Variants in TTC19 observed in about 807,000 individuals in gnomAD.
The protein encoded by TTC19 is tetratricopeptide repeat protein 19, mitochondrial.
A neutral mutation model predicts 49.5 loss-of-function variants in TTC19; 38 were observed. That is an observed-to-expected ratio of 0.77 (90% CI 0.59 to 1.01). TTC19 has a LOEUF of 1.01. Among genes scored for constraint, TTC19 ranks in the 50% least tolerant of loss-of-function variants. TTC19 has a pLI of 0.00. For synonymous variants in TTC19, 204 were observed against 185.2 expected (o/e 1.10, Z -0.83); for missense variants, 475 against 477.7 (o/e 0.99, Z 0.05).
intron 7 of TTC19, among the ~76,000 whole-genome samples, chr17:16,014,999 A>G (rs193266376): frequency 6.2e-4 from 94 of 152,324 alleles, no homozygotes; most frequent in African/African-American, 2.2e-3. Flanking sequence ...GTGCTGGATA[A>G]TATTTAATGC....
downstream of TTC19, chr17:16,032,059 C>G (rs1221608088): frequency 2.1e-6 from 1 of 475,746 alleles, no homozygotes; most frequent in Non-Finnish European, 3.7e-6. Context: ...TCTCAACCCT[C>G]CACTATTATT....
At chr17:16,027,101 ACCTGGGAT>A in intron 9 of TTC19, 1 of 527,346 alleles carries the variant, frequency 1.9e-6, no homozygotes, top group Non-Finnish European at 3.4e-6. Flanking sequence ...ATTTTCAGAA[ACCTGGGAT>A]GACAGGTGTA....
At chr17:16,044,746 T>C in exon 3 of TTC19, 1 of 792,872 alleles carries the variant, frequency 1.3e-6, no homozygotes, top group Non-Finnish European at 2.3e-6. Flanking sequence ...TTGAACCTTT[T>C]TGGTCCAGCT....
chr17:16,041,414 T>TTTTTTC (rs1269153936), intron 2 of TTC19: 2 of 148,580 alleles, frequency 1.3e-5, no homozygotes, highest in African/African-American at 5.0e-5. Flanking sequence ...CTTTTTTTTT[T>TTTTTTC]TTTTTTTTCC....
chr17:16,017,687 G>A (rs1971257482), intron 7 of TTC19, among the ~76,000 whole-genome samples: 1 of 152,038 alleles, frequency 6.6e-6, no homozygotes, highest in Admixed American at 6.5e-5. Context: ...CATGAACCTG[G>A]GAGGCGGAGG....
chr17:16,032,250 A>T (rs1459560101), downstream of TTC19: 3 of 1,506,636 alleles, frequency 2.0e-6, no homozygotes, highest in African/African-American at 1.4e-5. Flanking sequence ...AACCACAAAA[A>T]CTAGAGATCC....
At chr17:16,020,896 C>T (rs1971359630) in intron 7 of TTC19, among the ~76,000 whole-genome samples, 1 of 152,086 alleles carries the variant, frequency 6.6e-6, no homozygotes, top group African/African-American at 2.4e-5. Flanking sequence ...CTATGTTGTC[C>T]AGGCTGGTCT....
At chr17:16,006,616 T>G (rs759175997) in intron 7 of TTC19, 48 bp downstream of exon 7, 1 of 1,242,724 alleles carries the variant, frequency 8.0e-7, no homozygotes, top group Non-Finnish European at 1.2e-6. Flanking sequence ...CAAAAGGCTT[T>G]ACTTTACACT....
intron 2 of TTC19, among the ~76,000 whole-genome samples, chr17:16,037,718 A>G (rs930868596): frequency 2.6e-5 from 4 of 152,254 alleles, no homozygotes; most frequent in Non-Finnish European, 4.4e-5. Flanking sequence ...AAGCTTCTTC[A>G]TGCTACTACA....
chr17:16,024,996 T>C, intron 7 of TTC19, 21 bp from the exon 8 acceptor site: 1 of 1,613,700 alleles, frequency 6.2e-7, no homozygotes, highest in Admixed American at 1.7e-5. Flanking sequence ...GTAGATTTGC[T>C]GATTCCTCTT....
chr17:16,040,798 G>A, intron 2 of TTC19: 1 of 378,382 alleles, frequency 2.6e-6, no homozygotes, highest in Non-Finnish European at 5.0e-6. Context: ...AGCAGGCTGA[G>A]GCGGTAGGAC....
intron 2 of TTC19, chr17:16,040,281 T>A: frequency 1.4e-6 from 1 of 709,992 alleles, no homozygotes; most frequent in East Asian, 2.7e-5. Context: ...AGTTCCTTTC[T>A]GTGCTACTGG....
At chr17:16,032,412 A>C, downstream of TTC19, 1 of 1,614,138 alleles carries the variant, frequency 6.2e-7, no homozygotes, top group Non-Finnish European at 8.5e-7. Context: ...GAGGGAGCAC[A>C]TGCAATCGGT....
intron 7 of TTC19, among the ~76,000 whole-genome samples, chr17:16,009,459 T>C (rs1971004524): frequency 6.6e-6 from 1 of 152,170 alleles, no homozygotes; most frequent in African/African-American, 2.4e-5. Flanking sequence ...TCCTACTTTG[T>C]AACCTGAGTT....
chr17:16,044,224 A>G (rs1392354368), intron 2 of TTC19, among the ~76,000 whole-genome samples: 1 of 152,078 alleles, frequency 6.6e-6, no homozygotes, highest in Non-Finnish European at 1.5e-5. Flanking sequence ...CCTGATAACA[A>G]TTCTGGTCAG....
At chr17:16,004,331 C>A (rs1290330215) in intron 6 of TTC19, 69 bp downstream of exon 6, 2 of 1,415,900 alleles carry the variant, frequency 1.4e-6, no homozygotes, top group South Asian at 1.1e-5. Context: ...ACATAATATT[C>A]ATTGTCTACT....
chr17:16,041,401 GTTC>G lies in TTC19; in HGVS notation c.248-3099_248-3097del, dbSNP rs1428016554. On this transcript the variant is annotated intron_variant, in intron 2 of 2. Coordinates refer to the TTC19 transcript ENST00000470649. Reference sequence around the variant, plus strand: ...ATGATGTGTCCCAAAGAATGTGAAAGTTCTTTTTTTTTTTTTTTTTTCCTTTGA... The same window carrying G: ...ATGATGTGTCCCAAAGAATGTGAAAGTTTTTTTTTTTTTTTTTTCCTTTGA... The G allele has an allele frequency of 3.7e-4, 28 of 75,576 alleles. 1 individual carries two copies. Among genetic ancestry groups the G allele is most frequent in the African/African-American group, 1.4e-3 (27 of 19,158 alleles). The allele number at this position is 75,576 out of a possible 1,614,324, so 4.7% of individuals were successfully genotyped here.
chr17:16,029,063 G>T lies in TTC19; in HGVS notation c.*1541G>T. ...TGTTTCAGTAGAAACCAGTATTAAC[G>T]TATGGTGATTTCTTAAAAAAATTAA... On this transcript the variant is annotated 3_prime_UTR_variant, in exon 10 of 10. Coordinates refer to ENST00000261647, the MANE Select transcript of TTC19 (RefSeq NM_017775.4). 2 of 452,670 alleles carry T rather than the reference G, an allele frequency of 4.4e-6. No individual in the cohort carries two copies. The highest frequency in any genetic ancestry group is 2.0e-5 in the African/African-American group (1 of 50,022). The allele number at this position is 452,670 out of a possible 1,614,324, so 28.0% of individuals were successfully genotyped here.
At chr17:16,031,385 A>G (rs1179136460), downstream of TTC19, 1 of 190,630 alleles carries the variant, frequency 5.2e-6, no homozygotes, top group Non-Finnish European at 1.1e-5. Context: ...GCCTTAAACC[A>G]CAAATAATCT....
Sources: gnomAD v4.1 joint callset for allele counts (sites outside exome capture counted in the v4.1 genomes callset) on GRCh38, gnomAD v4.1.1 for gene constraint, MANE v1.5 for transcripts, NCBI Gene and HGNC (gene_info 2026-07-23, HGNC 2026-07-21) for gene names.